Variants in CCDC192 observed in about 807,000 individuals in gnomAD.
CCDC192 encodes coiled-coil domain-containing protein 192.
At position 127,876,063 on chromosome 5, in the gene CCDC192, A is replaced by ATTT. The variant is rs55862955; in HGVS notation, c.535+422_535+424dup. ...ACTAGGGCACAGGGAAGAGAACAGA[A>ATTT]TTTTTTTTTTTTTTTTTTTTTTACC... is the stretch of plus-strand genomic sequence containing the variant. On this transcript the variant is annotated intron_variant, in intron 6 of 6. Transcript: ENST00000514853. 6.0e-3 allele frequency among the ~76,000 whole-genome samples: 770 copies of ATTT among 128,766 alleles called. 6 individuals are homozygous for ATTT. Among genetic ancestry groups the ATTT allele is most frequent in the African/African-American group, 0.019 (620 of 33,216 alleles). The allele number at this position is 128,766 out of a possible 152,430, so 84.5% of individuals were successfully genotyped here.
At chr5:127,848,875 A>G (rs1037825604) in intron 5 of CCDC192, among the ~76,000 whole-genome samples, 3 of 152,190 alleles carry the variant, frequency 2.0e-5, no homozygotes, top group Non-Finnish European at 4.4e-5. Context: ...AAGATAAACT[A>G]TATAAAAGGA....
At chr5:127,743,570 T>A (rs1156843084) in intron 2 of CCDC192, among the ~76,000 whole-genome samples, 1 of 152,162 alleles carries the variant, frequency 6.6e-6, no homozygotes, top group Non-Finnish European at 1.5e-5. Flanking sequence ...TAGGTTGTGC[T>A]CATCCAGGCC....
intron 3 of CCDC192, among the ~76,000 whole-genome samples, chr5:127,756,088 G>C (rs913114718): frequency 6.6e-6 from 1 of 151,694 alleles, no homozygotes; most frequent in African/African-American, 2.4e-5. Flanking sequence ...AGCCGAGATT[G>C]CGCCACTGCA....
rs60854127 is a variant in CCDC192 at position 127,912,419 on chromosome 5, CAAAAAAA to C, written c.536-28748_536-28742del. On this transcript the variant is annotated intron_variant, in intron 6 of 6. Coordinates refer to ENST00000514853, the MANE Select transcript of CCDC192 (RefSeq NM_001317938.2). Reference sequence around the variant, plus strand: ...AGTGAGAATAGATTCCTGGGTTTAGCAAAAAAAAAAAAAAAAAAAAATGAAGCTGTAC... The same window carrying C: ...AGTGAGAATAGATTCCTGGGTTTAGCAAAAAAAAAAAAAATGAAGCTGTAC... Among the ~76,000 whole-genome samples, 439 of 81,466 alleles carry C rather than the reference CAAAAAAA, an allele frequency of 5.4e-3. 1 individual carries two copies. Among genetic ancestry groups the C allele is most frequent in the Middle Eastern group, 0.028 (3 of 106 alleles). The allele number at this position is 81,466 out of a possible 152,430, so 53.4% of individuals were successfully genotyped here.
chr5:127,750,554 TAGGTG>T (rs1754087715), intron 2 of CCDC192, among the ~76,000 whole-genome samples: 1 of 151,108 alleles, frequency 6.6e-6, no homozygotes, highest in African/African-American at 2.4e-5. Context: ...AATTTTGGAA[TAGGTG>T]TGGTGTGGTG....
intron 6 of CCDC192, among the ~76,000 whole-genome samples, chr5:127,922,509 C>T (rs113587406): frequency 0.068 from 10,294 of 152,262 alleles, 808 homozygotes; most frequent in East Asian, 0.32. Flanking sequence ...GAGGCCAAGG[C>T]AGGCAGATCG....
intron 5 of CCDC192, among the ~76,000 whole-genome samples, chr5:127,806,958 C>A (rs1411208803): frequency 6.6e-6 from 1 of 152,154 alleles, no homozygotes; most frequent in East Asian, 1.9e-4. Context: ...GAGAGGAAGA[C>A]AGCATTGGGG....
At chr5:127,733,723 A>G (rs888720461) in intron 2 of CCDC192, among the ~76,000 whole-genome samples, 7 of 152,026 alleles carry the variant, frequency 4.6e-5, no homozygotes, top group African/African-American at 1.4e-4. Context: ...TGAATCTGAG[A>G]TATTACTTCT....
At chr5:127,768,326 C>T (rs1021636906) in intron 3 of CCDC192, among the ~76,000 whole-genome samples, 1 of 151,968 alleles carries the variant, frequency 6.6e-6, no homozygotes, top group Non-Finnish European at 1.5e-5. Context: ...TGATTGGTGT[C>T]CTTATAAAAA....
At chr5:127,910,263 C>T (rs1220751040) in intron 6 of CCDC192, among the ~76,000 whole-genome samples, 1 of 152,160 alleles carries the variant, frequency 6.6e-6, no homozygotes, top group Non-Finnish European at 1.5e-5. Context: ...TAAACAAGAT[C>T]ACTGCTTGGT....
chr5:127,828,320 G>T (rs1749632310), intron 5 of CCDC192, among the ~76,000 whole-genome samples: 1 of 152,198 alleles, frequency 6.6e-6, no homozygotes, highest in Non-Finnish European at 1.5e-5. Context: ...TCGAGAAAAG[G>T]TTAAGCTTCT....
At chr5:127,791,623 T>C (rs1756871209) in intron 3 of CCDC192, among the ~76,000 whole-genome samples, 2 of 152,168 alleles carry the variant, frequency 1.3e-5, no homozygotes, top group Non-Finnish European at 2.9e-5. Flanking sequence ...GAATAGAGAC[T>C]TCAGTAACCA....
At chr5:127,737,411 T>C (rs1012873021) in intron 2 of CCDC192, among the ~76,000 whole-genome samples, 1 of 152,026 alleles carries the variant, frequency 6.6e-6, no homozygotes, top group Non-Finnish European at 1.5e-5. Flanking sequence ...ATTCTGTTGA[T>C]TTGGGGTGGA....
At chr5:127,704,566 T>C (rs1401670748) in intron 1 of CCDC192, among the ~76,000 whole-genome samples, 1 of 152,214 alleles carries the variant, frequency 6.6e-6, no homozygotes, top group Admixed American at 6.5e-5. Context: ...GTCTTGGGTC[T>C]ATGGTCTGTG....
chr5:127,896,915 T>G (rs1471198906), intron 6 of CCDC192, among the ~76,000 whole-genome samples: 5 of 152,192 alleles, frequency 3.3e-5, no homozygotes, highest in Admixed American at 3.3e-4. Flanking sequence ...TCCTACAGAC[T>G]CTACTGACTT....
intron 2 of CCDC192, among the ~76,000 whole-genome samples, chr5:127,719,892 C>G (rs907789004): frequency 6.6e-6 from 1 of 151,382 alleles, no homozygotes; most frequent in African/African-American, 2.4e-5. Flanking sequence ...CACTTACTAT[C>G]ATGAGAACAG....
intron 3 of CCDC192, among the ~76,000 whole-genome samples, chr5:127,762,440 A>T (rs1335172327): frequency 6.6e-6 from 1 of 152,260 alleles, no homozygotes; most frequent in Non-Finnish European, 1.5e-5. Context: ...GTTCATCTTC[A>T]TCTTGTTACT....
At chr5:127,801,973 G>A (rs1316329911) in intron 5 of CCDC192, among the ~76,000 whole-genome samples, 1 of 152,136 alleles carries the variant, frequency 6.6e-6, no homozygotes. Flanking sequence ...CCTGTGATTG[G>A]CTGAAGCTCA....
chr5:127,726,206 T>C (rs760390383), intron 2 of CCDC192, among the ~76,000 whole-genome samples: 2 of 152,126 alleles, frequency 1.3e-5, no homozygotes, highest in Non-Finnish European at 2.9e-5. Context: ...GTAAGACTAT[T>C]AAGAAATAAT....
Sources: allele counts gnomAD v4.1 joint callset (sites outside exome capture counted in the v4.1 genomes callset), GRCh38; gene constraint gnomAD v4.1.1; transcripts MANE v1.5; gene names NCBI Gene and HGNC (gene_info 2026-07-23, HGNC 2026-07-21).